The following AKAP13 variants were observed in gnomAD, a reference collection of about 807,000 sequenced individuals.
AKAP13 encodes the protein A-kinase anchor protein 13.
Under a neutral mutation model 264.5 loss-of-function variants are expected in AKAP13, and 80 were observed. The ratio of observed to expected loss-of-function variants is 0.30; its 90% CI spans 0.25 to 0.36. AKAP13 has a LOEUF of 0.36. Ranked by LOEUF, AKAP13 falls within the 10% of genes least tolerant of loss-of-function variation. AKAP13 has a pLI of 1.00. For synonymous variants in AKAP13, 1,380 were observed against 1,250.2 expected (o/e 1.10, Z -2.19); for missense variants, 3,712 against 3,435.2 (o/e 1.08, Z -2.01).
At chr15:85,542,459 C>T (rs772489313) in intron 4 of AKAP13, among the ~76,000 whole-genome samples, 9 of 152,204 alleles carry the variant, frequency 5.9e-5, no homozygotes, top group Non-Finnish European at 4.4e-5. Flanking sequence ...AAAATCTGTT[C>T]ATTCCTTTGT....
At chr15:85,401,736 C>G (rs1323133204) in intron 1 of AKAP13, among the ~76,000 whole-genome samples, 1 of 152,188 alleles carries the variant, frequency 6.6e-6, no homozygotes, top group Admixed American at 6.5e-5. Flanking sequence ...TACTTTCTTT[C>G]CTGTCTTAGG....
chr15:85,607,616 T>C (rs1213584661), intron 8 of AKAP13, among the ~76,000 whole-genome samples: 3 of 152,220 alleles, frequency 2.0e-5, no homozygotes, highest in African/African-American at 7.2e-5. Flanking sequence ...AAGCTACTCA[T>C]TTGTCCCTTC....
Position 85,435,777 on chromosome 15 carries a change from G to T in AKAP13, c.-11-49933G>T, listed in dbSNP as rs896602200. Among the ~76,000 whole-genome samples the T allele has an allele frequency of 5.9e-4, 86 of 146,970 alleles. 1 individual carries two copies. The highest frequency in any genetic ancestry group is 3.5e-3 in the Middle Eastern group (1 of 288). On this transcript the variant is annotated intron_variant, in intron 1 of 36. Coordinates refer to ENST00000394518, the MANE Select transcript of AKAP13 (RefSeq NM_007200.5). ...AGACAAGCAAATGCTGAGAGATTTT[G>T]TCACCACCAGGCCTGCCCTAAAAGA... is the stretch of plus-strand genomic sequence containing the variant.
intron 23 of AKAP13, among the ~76,000 whole-genome samples, chr15:85,721,260 A>G (rs2087263203): frequency 6.6e-6 from 1 of 152,226 alleles, no homozygotes; most frequent in African/African-American, 2.4e-5. Flanking sequence ...TCATATGAGC[A>G]GATAACTTAC....
intron 7 of AKAP13, among the ~76,000 whole-genome samples, chr15:85,584,340 T>G (rs923134491): frequency 6.6e-6 from 1 of 152,186 alleles, no homozygotes; most frequent in African/African-American, 2.4e-5. Context: ...GAGTAATCAC[T>G]GTTTTCTAGT....
At chr15:85,608,195 T>C (rs1596695972) in intron 8 of AKAP13, among the ~76,000 whole-genome samples, 2 of 152,222 alleles carry the variant, frequency 1.3e-5, no homozygotes, top group African/African-American at 2.4e-5. Flanking sequence ...TACATTTTTA[T>C]TTTATGTGGG....
At chr15:85,526,715 C>G (rs1008527901) in intron 3 of AKAP13, among the ~76,000 whole-genome samples, 9 of 152,220 alleles carry the variant, frequency 5.9e-5, no homozygotes, top group African/African-American at 2.2e-4. Context: ...ATCCCCCAGC[C>G]TGGCCCTGCC....
intron 3 of AKAP13, among the ~76,000 whole-genome samples, chr15:85,532,602 G>C (rs1435857697): frequency 1.3e-5 from 2 of 152,216 alleles, no homozygotes; most frequent in African/African-American, 4.8e-5. Flanking sequence ...GCATAGTTCT[G>C]GCTATTTGAG....
chr15:85,455,822 A>G (rs988861506), intron 1 of AKAP13, among the ~76,000 whole-genome samples: 16 of 152,058 alleles, frequency 1.1e-4, no homozygotes, highest in Admixed American at 6.6e-5. Flanking sequence ...TCTTACTGCA[A>G]ACTACTGTAA....
chr15:85,671,463 G>C (rs1274718300), intron 14 of AKAP13, among the ~76,000 whole-genome samples: 1 of 147,274 alleles, frequency 6.8e-6, no homozygotes, highest in Non-Finnish European at 1.5e-5. Flanking sequence ...AAAAAAGAGA[G>C]AGAGAGAAAG....
chr15:85,730,435 A>AG (rs2087921139), intron 29 of AKAP13, 78 bp from the exon 30 acceptor site: 1 of 1,464,230 alleles, frequency 6.8e-7, no homozygotes, highest in East Asian at 2.3e-5. Context: ...AATTACCACA[A>AG]GGTGGTGCTC....
chr15:85,640,015 G>A (rs1476133151), intron 9 of AKAP13, among the ~76,000 whole-genome samples: 1 of 152,182 alleles, frequency 6.6e-6, no homozygotes, highest in Non-Finnish European at 1.5e-5. Flanking sequence ...CAACACTTGA[G>A]GGTACGATGC....
intron 33 of AKAP13, among the ~76,000 whole-genome samples, chr15:85,739,645 T>C (rs902558272): frequency 3.9e-5 from 6 of 152,182 alleles, no homozygotes; most frequent in African/African-American, 1.2e-4. Flanking sequence ...TGTTTCAAGA[T>C]TAGAAAACAG....
chr15:85,442,424 AT>A (rs1388036803), intron 1 of AKAP13, among the ~76,000 whole-genome samples: 2,342 of 64,406 alleles, frequency 0.036, 116 homozygotes, highest in African/African-American at 0.062. Flanking sequence ...AAAAAAAAAA[AT>A]ATATATATAT....
At chr15:85,588,284 C>G (rs1183819381) in intron 8 of AKAP13, among the ~76,000 whole-genome samples, 1 of 152,174 alleles carries the variant, frequency 6.6e-6, no homozygotes, top group Non-Finnish European at 1.5e-5. Flanking sequence ...GCCCTTATTA[C>G]ACATAATATT....
At chr15:85,673,375 G>A (rs1360938599) in intron 14 of AKAP13, among the ~76,000 whole-genome samples, 3 of 152,110 alleles carry the variant, frequency 2.0e-5, no homozygotes, top group Admixed American at 6.5e-5. Context: ...GTCTTGATTC[G>A]AAGGGTGGGA....
rs141173816 is a variant in AKAP13, at chr15:85,573,546, A to AAAATAAATAAATAAATAAATAAAT, written c.663-1579_663-1556dup. 7.1e-3 allele frequency among the ~76,000 whole-genome samples: 1,029 copies of AAAATAAATAAATAAATAAATAAAT among 145,864 alleles called. 18 individuals carry two copies. The highest frequency in any genetic ancestry group is 0.025 in the African/African-American group (957 of 38,484). On this transcript the variant is annotated intron_variant, in intron 5 of 36. Coordinates refer to ENST00000394518, the MANE Select transcript of AKAP13 (RefSeq NM_007200.5). ...GGCGACAGAGCGGGACTCTGTCTCAAAAATAAATAAATAAATAAATAAATA... is the reference window on the plus strand; with the variant it reads ...GGCGACAGAGCGGGACTCTGTCTCAAAAATAAATAAATAAATAAATAAATAAATAAATAAATAAATAAATAAATA...
At chr15:85,411,852 C>T (rs757382858) in intron 1 of AKAP13, among the ~76,000 whole-genome samples, 3 of 152,160 alleles carry the variant, frequency 2.0e-5, no homozygotes, top group Admixed American at 6.5e-5. Flanking sequence ...TAAAGCAAGC[C>T]TTTACTTCAA....
intron 9 of AKAP13, among the ~76,000 whole-genome samples, chr15:85,639,967 A>G (rs915918767): frequency 2.0e-5 from 3 of 152,244 alleles, no homozygotes; most frequent in Admixed American, 2.0e-4. Context: ...ATGGTCAGGA[A>G]TTAAGTCTTT....
Sources: allele counts gnomAD v4.1 joint callset (sites outside exome capture counted in the v4.1 genomes callset), GRCh38; gene constraint gnomAD v4.1.1; transcripts MANE v1.5; gene names NCBI Gene and HGNC (gene_info 2026-07-23, HGNC 2026-07-21).